The following ATP8A2 variants were observed in gnomAD, a reference collection of about 807,000 sequenced individuals.
ATP8A2 encodes the protein phospholipid-transporting ATPase IB.
A neutral mutation model predicts 165.6 loss-of-function variants in ATP8A2; 100 were observed. The observed-to-expected ratio is 0.60, with a 90% CI of 0.51 to 0.71. The LOEUF is 0.71. Ranked by LOEUF, ATP8A2 falls within the 30% of genes least tolerant of loss-of-function variation. The pLI, the probability that ATP8A2 is intolerant of heterozygous loss-of-function variation, is 0.00. For synonymous variants in ATP8A2, 543 were observed against 548.8 expected (o/e 0.99, Z 0.15); for missense variants, 1,227 against 1,479.5 (o/e 0.83, Z 2.80).
intron 35 of ATP8A2, among the ~76,000 whole-genome samples, chr13:25,998,771 C>G (rs1956571056): frequency 6.6e-6 from 1 of 152,170 alleles, no homozygotes; most frequent in South Asian, 2.1e-4. Flanking sequence ...GGTTAGTTAA[C>G]CTTGAACCCT....
At chr13:25,945,585 C>G (rs1008006364) in intron 33 of ATP8A2, among the ~76,000 whole-genome samples, 1 of 152,138 alleles carries the variant, frequency 6.6e-6, no homozygotes, top group African/African-American at 2.4e-5. Context: ...CAACCACCAC[C>G]ATGAACTTTG....
chr13:25,574,809 T>A lies in ATP8A2; in HGVS notation c.1664T>A (p.Met555Lys). 1 of 1,558,482 alleles carries A rather than the reference T, an allele frequency of 6.4e-7. No individual in the cohort carries two copies. Among genetic ancestry groups the A allele is most frequent in the Non-Finnish European group, 8.8e-7 (1 of 1,130,064 alleles). Residue 555 changes from methionine (M) to lysine (K), a missense_variant and splice_region_variant, in exon 19 of 37, where the codon ATG becomes AAG. Met to Lys is a moderately conservative substitution (Grantham distance 95). This residue lies in a region of ATP8A2 where 592 missense variants were observed against 785.6 expected (regional missense o/e 0.75). Transcript: ENST00000381655. ...AAGAGCCTATTTTTCTTCCTTTAGA[T>A]GGGACAGGAACAAACATTCGGAATC... Reference protein sequence around the residue: ...RTPFSVIIEAMGQEQTFGILN... With the variant: ...RTPFSVIIEAKGQEQTFGILN...
intron 35 of ATP8A2, among the ~76,000 whole-genome samples, chr13:25,981,867 A>G (rs1159186840): frequency 6.6e-6 from 1 of 152,200 alleles, no homozygotes. Flanking sequence ...AATATTATAC[A>G]TTTAGTTTAG....
At chr13:25,542,470 T>G (rs536684751) in intron 9 of ATP8A2, among the ~76,000 whole-genome samples, 35 of 152,234 alleles carry the variant, frequency 2.3e-4, no homozygotes, top group African/African-American at 8.2e-4. Flanking sequence ...TATTCTTCCT[T>G]TAGAATATTC....
chr13:25,940,110 T>G (rs1536294), intron 33 of ATP8A2, among the ~76,000 whole-genome samples: 62,953 of 151,960 alleles, frequency 0.41, 14,157 homozygotes, highest in African/African-American at 0.61. Flanking sequence ...GCGCTGGCAG[T>G]TGGGCTCTCC....
rs189809828 is a variant in ATP8A2 at position 25,737,827 on chromosome 13, C to T, written c.2385-31219C>T. Among the ~76,000 whole-genome samples, 9 of 152,280 alleles carry T rather than the reference C, an allele frequency of 5.9e-5. 1 individual carries two copies. In the East Asian group the frequency reaches 7.7e-4, roughly 13 times the overall value. On this transcript the variant is annotated intron_variant, in intron 25 of 36. Coordinates refer to ENST00000381655, the MANE Select transcript of ATP8A2 (RefSeq NM_016529.6). ...CCTCCCGAGTAGCTGGGACTTCAGG[C>T]GCCTGGCCACCATGCCTGACTAATT...
intron 25 of ATP8A2, among the ~76,000 whole-genome samples, chr13:25,741,315 G>C (rs2043905620): frequency 1.3e-5 from 2 of 152,166 alleles, no homozygotes; most frequent in African/African-American, 2.4e-5. Flanking sequence ...CTGTTAATGA[G>C]CACAGTACCC....
At chr13:25,933,381 C>T (rs1954813899) in intron 33 of ATP8A2, among the ~76,000 whole-genome samples, 1 of 152,194 alleles carries the variant, frequency 6.6e-6, no homozygotes, top group African/African-American at 2.4e-5. Context: ...CTGCTTGGCC[C>T]CAGACATATC....
At chr13:25,443,717 T>C (rs1350850302) in intron 1 of ATP8A2, among the ~76,000 whole-genome samples, 1 of 152,216 alleles carries the variant, frequency 6.6e-6, no homozygotes, top group African/African-American at 2.4e-5. Context: ...GCATAAATTA[T>C]TTGTTTATTT....
chr13:25,920,038 T>G (rs1387542687), intron 33 of ATP8A2, among the ~76,000 whole-genome samples: 1 of 152,182 alleles, frequency 6.6e-6, no homozygotes, highest in Non-Finnish European at 1.5e-5. Flanking sequence ...TCCTCCCACC[T>G]CAGCCTCCCA....
chr13:25,949,083 C>T (rs1955281663), intron 33 of ATP8A2, among the ~76,000 whole-genome samples: 1 of 152,260 alleles, frequency 6.6e-6, no homozygotes. Flanking sequence ...AAAGTACCTT[C>T]TCCCTCTGCT....
At chr13:25,825,922 A>G (rs1449174418) in intron 27 of ATP8A2, among the ~76,000 whole-genome samples, 4 of 152,016 alleles carry the variant, frequency 2.6e-5, no homozygotes, top group Non-Finnish European at 5.9e-5. Context: ...ATCAGATCCT[A>G]CAAAGAATGG....
At chr13:25,373,852 C>A (rs1020832388) in intron 1 of ATP8A2, among the ~76,000 whole-genome samples, 17 of 152,300 alleles carry the variant, frequency 1.1e-4, no homozygotes, top group Non-Finnish European at 2.1e-4. Flanking sequence ...CATAGAGATT[C>A]AAGAGTCGTC....
chr13:25,974,358 C>G (rs1365082062), intron 35 of ATP8A2, among the ~76,000 whole-genome samples: 1 of 152,172 alleles, frequency 6.6e-6, no homozygotes, highest in Non-Finnish European at 1.5e-5. Context: ...GCAGGCTCTC[C>G]GAGTTGCATC....
intron 33 of ATP8A2, among the ~76,000 whole-genome samples, chr13:25,893,267 T>C (rs1359020305): frequency 2.0e-5 from 3 of 146,392 alleles, no homozygotes; most frequent in Non-Finnish European, 3.0e-5. Context: ...GTTCTCATTG[T>C]TCAATTCCCA....
chr13:25,510,767 A>G (rs2037201098), intron 2 of ATP8A2, among the ~76,000 whole-genome samples: 1 of 152,210 alleles, frequency 6.6e-6, no homozygotes, highest in African/African-American at 2.4e-5. Context: ...GTCTGATTTC[A>G]TGTTCTAAAA....
chr13:25,894,427 G>A (rs1211543450), intron 33 of ATP8A2, among the ~76,000 whole-genome samples: 1 of 152,144 alleles, frequency 6.6e-6, no homozygotes, highest in African/African-American at 2.4e-5. Context: ...TTGCTGTTTT[G>A]GTTACTGTAG....
At chr13:25,455,228 T>C (rs988070240) in intron 1 of ATP8A2, among the ~76,000 whole-genome samples, 2 of 152,232 alleles carry the variant, frequency 1.3e-5, no homozygotes, top group African/African-American at 4.8e-5. Context: ...GCTCTGGACC[T>C]GATACGAGAC....
At chr13:25,788,834 A>C (rs1410787137) in intron 27 of ATP8A2, among the ~76,000 whole-genome samples, 1 of 152,184 alleles carries the variant, frequency 6.6e-6, no homozygotes, top group Non-Finnish European at 1.5e-5. Context: ...CCAGTTTACA[A>C]CTGAGAAATC....
Sources: gnomAD v4.1 joint callset for allele counts (sites outside exome capture counted in the v4.1 genomes callset) on GRCh38, gnomAD v4.1.1 for gene constraint, gnomAD v4.1.1 regional missense constraint, MANE v1.5 for transcripts, NCBI Gene and HGNC (gene_info 2026-07-23, HGNC 2026-07-21) for gene names.